Variants in RABEP1 observed in about 807,000 individuals in gnomAD.
RABEP1 encodes rabaptin, RAB GTPase binding effector protein 1.
RABEP1 carries 51 observed loss-of-function variants against 123.4 expected under a neutral mutation model. The observed-to-expected ratio is 0.41, with a 90% CI of 0.33 to 0.52. The LOEUF (loss-of-function observed/expected upper bound fraction) is 0.52, where lower values mean the gene tolerates loss of function less well. RABEP1 is among the 20% of genes least tolerant of loss of function. The probability of loss-of-function intolerance (pLI) is 0.16; values close to 1 mark genes in which losing one functional copy is unlikely to be tolerated. For synonymous variants in RABEP1, 347 were observed against 355.2 expected (o/e 0.98, Z 0.26); for missense variants, 888 against 996.3 (o/e 0.89, Z 1.46).
In RABEP1 at chr17:5,352,064, G is replaced by A. The variant is rs556469496; in HGVS notation, c.963+1435G>A. ...TGCCTTTCTAAGTATCTTGTCAAAC[G>A]TTTCAAATTGCTTTATGTGACTTAG... On this transcript the variant is annotated intron_variant, in intron 7 of 17. Transcript: ENST00000537505. Among the ~76,000 whole-genome samples, 3 of 151,808 alleles carry A rather than the reference G, an allele frequency of 2.0e-5. No individual in the cohort carries two copies. In the East Asian group the frequency reaches 5.8e-4, roughly 29 times the overall value.
chr17:5,292,378 T>G lies in RABEP1; in HGVS notation c.34+9858T>G, dbSNP rs570244441. 2.0e-5 allele frequency among the ~76,000 whole-genome samples: 3 copies of G among 152,208 alleles called. No homozygotes were observed. In the South Asian group the frequency reaches 6.2e-4, roughly 32 times the overall value. ...ATGATGTCCTTTACCCCTTTCTTAT[T>G]AAATTTTTAGTTTATTTACTTTTTT... On this transcript the variant is annotated intron_variant, in intron 1 of 17. Transcript: ENST00000537505.
intron 1 of RABEP1, among the ~76,000 whole-genome samples, chr17:5,286,994 C>T (rs565483945): frequency 1.3e-5 from 2 of 152,194 alleles, no homozygotes; most frequent in South Asian, 4.2e-4. Context: ...GTGTTCTAGG[C>T]AGGGATCAGT....
At chr17:5,301,190 G>A (rs1190981123) in intron 1 of RABEP1, among the ~76,000 whole-genome samples, 1 of 152,108 alleles carries the variant, frequency 6.6e-6, no homozygotes, top group Non-Finnish European at 1.5e-5. Flanking sequence ...TTCTGATTCA[G>A]GAGCTAGACC....
intron 6 of RABEP1, among the ~76,000 whole-genome samples, chr17:5,347,980 T>G (rs186393452): frequency 6.6e-6 from 1 of 152,236 alleles, no homozygotes; most frequent in African/African-American, 2.4e-5. Context: ...CAATAAAAAA[T>G]AGAGTCTTTT....
chr17:5,282,409 C>G lies in RABEP1; in HGVS notation c.-78C>G. On this transcript the variant is annotated 5_prime_UTR_variant, in exon 1 of 18. Transcript: ENST00000537505. ...GCGGCGGCGGCTCGGTTGACGCCTC[C>G]TCCGCCAGCTGAGCCCGCGGGAGCC... The G allele has an allele frequency of 1.7e-6, 2 of 1,183,638 alleles. No homozygotes were observed. The highest frequency in any genetic ancestry group is 4.0e-5 in the South Asian group (2 of 50,296). 73.3% of individuals were successfully genotyped at this position (1,183,638 alleles called of 1,614,324 possible).
chr17:5,295,093 T>C (rs1199082918), intron 1 of RABEP1, among the ~76,000 whole-genome samples: 1 of 152,090 alleles, frequency 6.6e-6, no homozygotes, highest in African/African-American at 2.4e-5. Context: ...AATAATGTTA[T>C]TTTTGAGGAC....
intron 1 of RABEP1, among the ~76,000 whole-genome samples, chr17:5,302,818 G>C (rs2075147836): frequency 6.6e-6 from 1 of 152,048 alleles, no homozygotes; most frequent in South Asian, 2.1e-4. Context: ...GTGAGCCACT[G>C]GGCCTGGCTA....
chr17:5,340,514 C>G (rs1907498526), intron 5 of RABEP1, among the ~76,000 whole-genome samples: 1 of 151,654 alleles, frequency 6.6e-6, no homozygotes, highest in Non-Finnish European at 1.5e-5. Context: ...AGACCCAATT[C>G]TGTAACTATG....
chr17:5,361,894 GAATGTGAACCTCCCC>G, intron 9 of RABEP1: 1 of 522,956 alleles, frequency 1.9e-6, no homozygotes. Context: ...TAATCACAGT[GAATGTGAACCTCCCC>G]ACCTGAACTC....
At position 5,282,396 on chromosome 17, in the gene RABEP1, C is replaced by T; in HGVS notation, c.-91C>T. 1.9e-6 allele frequency: 2 copies of T among 1,043,104 alleles called. No homozygotes were observed. The highest frequency in any genetic ancestry group is 2.5e-6 in the Non-Finnish European group (2 of 789,622). 64.6% of individuals were successfully genotyped at this position (1,043,104 alleles called of 1,614,324 possible). A position where few individuals can be genotyped will look rare whatever the true frequency, so the allele number is the denominator to read the frequency against. ...TCTCTGGGCGGCGGCGGCGGCGGCT[C>T]GGTTGACGCCTCCTCCGCCAGCTGA... On this transcript the variant is annotated 5_prime_UTR_variant, in exon 1 of 18. Transcript: ENST00000537505.
At chr17:5,294,633 CTTTTTTT>C (rs1185209680) in intron 1 of RABEP1, among the ~76,000 whole-genome samples, 5 of 53,026 alleles carry the variant, frequency 9.4e-5, no homozygotes, top group Admixed American at 3.5e-4. Context: ...ACGGTATTGT[CTTTTTTT>C]TTTTTTTTTT....
intron 1 of RABEP1, among the ~76,000 whole-genome samples, chr17:5,289,241 A>G (rs1011487597): frequency 7.6e-6 from 1 of 130,766 alleles, no homozygotes; most frequent in Admixed American, 7.9e-5. Flanking sequence ...TTGTCTGTTT[A>G]TATCTGTTTC....
intron 1 of RABEP1, among the ~76,000 whole-genome samples, chr17:5,307,945 A>C (rs1378633388): frequency 6.6e-6 from 1 of 152,166 alleles, no homozygotes; most frequent in Non-Finnish European, 1.5e-5. Context: ...AGAATAGTTC[A>C]GTCTGGTATG....
Position 5,380,370 on chromosome 17 carries a change from T to A in RABEP1, c.2278T>A (p.Ser760Thr), listed in dbSNP as rs892835303. ...GCTTTTTCCTTTTTCACAGTTGGAGTCCACATTAAGAGAGAAGTCTCAACA... is the reference window on the plus strand; with the variant it reads ...GCTTTTTCCTTTTTCACAGTTGGAGACCACATTAAGAGAGAAGTCTCAACA... The part of the protein sequence containing the change: ...RIKVEKGQLE[S>T]TLREKSQQLE... The change falls in exon 16 of 18, where the codon TCC (serine) becomes ACC (threonine). Residue 760 changes from serine to threonine, a missense_variant. By Grantham distance (58) the Ser-to-Thr change is moderately conservative. Coordinates refer to ENST00000537505, the MANE Select transcript of RABEP1 (RefSeq NM_004703.6). The A allele has an allele frequency of 7.0e-6, 11 of 1,561,104 alleles. No homozygotes were observed. The highest frequency in any genetic ancestry group is 2.4e-5 in the South Asian group (2 of 84,358).
intron 15 of RABEP1, 123 bp from the exon 16 acceptor site, chr17:5,380,241 G>C (rs908353670): frequency 2.2e-5 from 14 of 634,564 alleles, no homozygotes; most frequent in African/African-American, 9.2e-5. Context: ...GAAAGGGTGA[G>C]AGGAGTATTC....
At chr17:5,291,645 C>T (rs1366695328) in intron 1 of RABEP1, among the ~76,000 whole-genome samples, 2 of 152,114 alleles carry the variant, frequency 1.3e-5, no homozygotes, top group South Asian at 2.1e-4. Flanking sequence ...CGGTGGCTCA[C>T]GCCTGTAATC....
At chr17:5,282,833 C>T (rs1235511820) in intron 1 of RABEP1, among the ~76,000 whole-genome samples, 4 of 151,380 alleles carry the variant, frequency 2.6e-5, no homozygotes, top group Non-Finnish European at 2.9e-5. Context: ...GGGACCGGCA[C>T]GTGGGTTCTG....
At chr17:5,282,659 C>A (rs2074937696) in intron 1 of RABEP1, 139 bp downstream of exon 1, 1 of 460,504 alleles carries the variant, frequency 2.2e-6, no homozygotes, top group Non-Finnish European at 2.8e-6. Flanking sequence ...GGCGGGGGCG[C>A]GCGGGCTGCG....
At chr17:5,307,185 G>A (rs143943486) in intron 1 of RABEP1, among the ~76,000 whole-genome samples, 1,742 of 152,334 alleles carry the variant, frequency 0.011, 23 homozygotes, top group African/African-American at 0.039. Flanking sequence ...AGGCGTGGTG[G>A]CACATGCCTG....
Sources: gnomAD v4.1 joint callset for allele counts (sites outside exome capture counted in the v4.1 genomes callset) on GRCh38, gnomAD v4.1.1 for gene constraint, MANE v1.5 for transcripts, NCBI Gene and HGNC (gene_info 2026-07-23, HGNC 2026-07-21) for gene names.